Variants in PCDHGB4 observed in about 807,000 individuals in gnomAD.
The protein encoded by PCDHGB4 is protocadherin gamma subfamily B, 4.
A neutral mutation model predicts 60.5 loss-of-function variants in PCDHGB4; 38 were observed. The ratio of observed to expected loss-of-function variants is 0.63; its 90% CI spans 0.48 to 0.82. The LOEUF (loss-of-function observed/expected upper bound fraction) is 0.82, where lower values mean the gene tolerates loss of function less well. Ranked by LOEUF, PCDHGB4 falls within the 40% of genes least tolerant of loss-of-function variation. The probability of loss-of-function intolerance (pLI) is 0.00; values close to 1 mark genes in which losing one functional copy is unlikely to be tolerated. For synonymous variants in PCDHGB4, 456 were observed against 509.7 expected (o/e 0.89, Z 1.42); for missense variants, 1,109 against 1,209.6 (o/e 0.92, Z 1.23).
rs1374592449 is a variant in PCDHGB4 at position 141,387,964 on chromosome 5, C to T, written c.80C>T (p.Pro27Leu). ...LFLFLLSLFC[P>L]ALCEQIRYRI... ...CTCTTCCTGCTGTCTTTGTTCTGCC[C>T]GGCGCTCTGTGAGCAGATCCGCTAC... Residue 27 changes from proline to leucine, a missense_variant, in exon 1 of 4, where the codon CCG becomes CTG. Physicochemically the swap from Pro to Leu is moderately conservative, Grantham distance 98. This residue lies in a region of PCDHGB4 where 41 missense variants were observed against 119.7 expected (regional missense o/e 0.34). Transcript: ENST00000519479. 1.3e-6 allele frequency: 2 copies of T among 1,493,070 alleles called. No individual in the cohort carries two copies. The highest frequency in any genetic ancestry group is 2.2e-5 in the Admixed American group (1 of 45,422). 92.5% of individuals were successfully genotyped at this position (1,493,070 alleles called of 1,614,324 possible).
chr5:141,470,718 G>A (rs916720866), intron 1 of PCDHGB4, among the ~76,000 whole-genome samples: 2 of 152,022 alleles, frequency 1.3e-5, no homozygotes, highest in Non-Finnish European at 2.9e-5. Flanking sequence ...ATTTTTTTGA[G>A]TCAGGGTCTT....
chr5:141,491,542 G>T lies in PCDHGB4; in HGVS notation c.2398-3265G>T, dbSNP rs112433306. The T allele has an allele frequency of 6.2e-7, 1 of 1,613,898 alleles. No homozygotes were observed. Among genetic ancestry groups the T allele is most frequent in the Admixed American group, 1.7e-5 (1 of 60,006 alleles). On this transcript the variant is annotated intron_variant, in intron 1 of 3. Transcript: ENST00000519479. This position sits in a 1 kb window ranked among gnomAD's most constrained non-coding sequence, Gnocchi z 6.9. ...CATGGAGGTGACGCTGCGGCCCACA[G>T]ACTCGCAGAGCCACTGCTACAGGAC...
chr5:141,480,021 C>G (rs1415230863), intron 1 of PCDHGB4, among the ~76,000 whole-genome samples: 1 of 152,208 alleles, frequency 6.6e-6, no homozygotes, highest in Non-Finnish European at 1.5e-5. Context: ...AATCTCCTTT[C>G]TAAGCCTCTT....
At position 141,389,235 on chromosome 5, in the gene PCDHGB4, TCA is replaced by T. The variant is rs2091656158; in HGVS notation, c.1354_1355del (p.Gln452ValfsTer24). The stretch of plus-strand genomic sequence containing the variant: ...TGTAAATGACAACGCTCCGGTTTTC[TCA>T]CAGTCTTCCTATATAGTCCACGTGG... Reference protein sequence around the residue: ...GDVNDNAPVFSQSSYIVHVAE... With the variant: ...GDVNDNAPVFXQSSYIVHVAE... On this transcript the variant is annotated frameshift_variant, in exon 1 of 4. Coordinates refer to ENST00000519479, the MANE Select transcript of PCDHGB4 (RefSeq NM_003736.4). LOFTEE classifies it high-confidence loss of function. 4 of 1,614,080 alleles carry T rather than the reference TCA, an allele frequency of 2.5e-6. No homozygotes were observed. Among genetic ancestry groups the T allele is most frequent in the Non-Finnish European group, 2.5e-6 (3 of 1,179,906 alleles).
intron 1 of PCDHGB4, among the ~76,000 whole-genome samples, chr5:141,459,098 A>G (rs993134478): frequency 2.0e-5 from 3 of 152,206 alleles, no homozygotes; most frequent in African/African-American, 7.2e-5. Flanking sequence ...ATACAGTGCA[A>G]TGCATTTTGA....
Position 141,423,358 on chromosome 5 carries a change from G to A in PCDHGB4, c.2397+33077G>A, listed in dbSNP as rs202010010. The A allele has an allele frequency of 2.3e-4, 371 of 1,614,078 alleles. 1 individual carries two copies. The highest frequency in any genetic ancestry group is 2.8e-4 in the Non-Finnish European group (334 of 1,180,024). ...CTGCATCTTCCTGGTCTTTGTCATC[G>A]TGCTGCTGGCACTCAGGCTGTGGCG... On this transcript the variant is annotated intron_variant, in intron 1 of 3. Coordinates refer to ENST00000519479, the MANE Select transcript of PCDHGB4 (RefSeq NM_003736.4).
intron 1 of PCDHGB4, among the ~76,000 whole-genome samples, chr5:141,452,082 T>A (rs924362905): frequency 3.3e-5 from 5 of 152,240 alleles, no homozygotes; most frequent in Non-Finnish European, 7.3e-5. Context: ...GTTGGCATTA[T>A]ACAGTAAGAA....
rs775963212 is a variant in PCDHGB4, at chr5:141,485,463, G to T, written c.2398-9344G>T. ...CCAATCGACCGAGAGGCACTGTGTG[G>T]GCTCAGTGCCAGCTGCATCGTGCCC... On this transcript the variant is annotated intron_variant, in intron 1 of 3. Coordinates refer to ENST00000519479, the MANE Select transcript of PCDHGB4 (RefSeq NM_003736.4). The surrounding 1 kb of genome is among the most constrained non-coding windows in gnomAD (Gnocchi z 5.7). The T allele has an allele frequency of 1.2e-6, 2 of 1,614,086 alleles. No individual in the cohort carries two copies. The highest frequency in any genetic ancestry group is 3.3e-5 in the Admixed American group (2 of 60,026).
At chr5:141,408,615 T>A in intron 1 of PCDHGB4, 1 of 1,613,940 alleles carries the variant, frequency 6.2e-7, no homozygotes, top group Non-Finnish European at 8.5e-7. Flanking sequence ...AAAAAGGAAA[T>A]ACATTTAGAA....
rs749347013 is a variant in PCDHGB4, at chr5:141,476,739, C to G, written c.2398-18068C>G. 6.2e-7 allele frequency: 1 copy of G among 1,614,068 alleles called. No individual in the cohort carries two copies. Among genetic ancestry groups the G allele is most frequent in the South Asian group, 1.1e-5 (1 of 91,088 alleles). On this transcript the variant is annotated intron_variant, in intron 1 of 3. Transcript: ENST00000519479. The surrounding 1 kb of genome is among the most constrained non-coding windows in gnomAD (Gnocchi z 7.6). Reference sequence around the variant, plus strand: ...CGCGCCCTGGACCGAGAACGGGAGCCTAGTCTCCAGTTAGTGCTGACGGCG... The same window carrying G: ...CGCGCCCTGGACCGAGAACGGGAGCGTAGTCTCCAGTTAGTGCTGACGGCG...
chr5:141,394,826 C>G, intron 1 of PCDHGB4: 1 of 1,613,882 alleles, frequency 6.2e-7, no homozygotes, highest in Non-Finnish European at 8.5e-7. Context: ...TCCCCGAAGT[C>G]CTGACCGAGT....
intron 3 of PCDHGB4, 119 bp downstream of exon 3, chr5:141,505,600 G>T: frequency 1.3e-6 from 2 of 1,554,224 alleles, no homozygotes; most frequent in Middle Eastern, 3.4e-4. Context: ...AGATCTTTCG[G>T]CAGGTCTGAA....
At chr5:141,423,397 C>T (rs759822483) in intron 1 of PCDHGB4, 3 of 1,614,146 alleles carry the variant, frequency 1.9e-6, no homozygotes, top group East Asian at 2.2e-5. Context: ...GCATAAGTCA[C>T]GCCTGCTGCA....
At chr5:141,418,946 G>A in intron 1 of PCDHGB4, 3 of 1,614,018 alleles carry the variant, frequency 1.9e-6, no homozygotes, top group South Asian at 1.1e-5. Flanking sequence ...TTCCCCTCCA[G>A]GAGTGGTTGT....
chr5:141,426,643 T>C (rs1280631056), intron 1 of PCDHGB4: 1 of 411,758 alleles, frequency 2.4e-6, no homozygotes, highest in Non-Finnish European at 5.0e-6. Flanking sequence ...CACATAAATG[T>C]GATGATAGAA....
chr5:141,414,236 C>T, intron 1 of PCDHGB4: 1 of 1,613,456 alleles, frequency 6.2e-7, no homozygotes. Flanking sequence ...CTGACCATCA[C>T]GTCTCTATTT....
At chr5:141,414,026 C>A in intron 1 of PCDHGB4, 1 of 1,612,468 alleles carries the variant, frequency 6.2e-7, no homozygotes, top group Non-Finnish European at 8.5e-7. Flanking sequence ...GTGACATATT[C>A]ATTCCGAAAA....
At chr5:141,444,129 T>C (rs897901109) in intron 1 of PCDHGB4, among the ~76,000 whole-genome samples, 3 of 147,096 alleles carry the variant, frequency 2.0e-5, no homozygotes, top group African/African-American at 5.0e-5. Context: ...TCTCAACAGA[T>C]ATGTGTCACT....
chr5:141,478,164 C>T, intron 1 of PCDHGB4: 1 of 1,614,010 alleles, frequency 6.2e-7, no homozygotes, highest in Non-Finnish European at 8.5e-7. Context: ...GGCTCTGCCC[C>T]CCGGGAGCAG....
Sources: allele counts gnomAD v4.1 joint callset (sites outside exome capture counted in the v4.1 genomes callset), GRCh38; gene constraint gnomAD v4.1.1; regional missense constraint gnomAD v4.1.1; non-coding constraint Gnocchi (gnomAD v3.1); transcripts MANE v1.5; gene names NCBI Gene and HGNC (gene_info 2026-07-23, HGNC 2026-07-21).